The following GALNT7 variants were observed in gnomAD, a reference collection of about 807,000 sequenced individuals.
GALNT7 encodes the protein polypeptide N-acetylgalactosaminyltransferase 7, also known as N-acetylgalactosaminyltransferase 7.
GALNT7 carries 60 observed loss-of-function variants against 82.1 expected under a neutral mutation model. The observed-to-expected ratio is 0.73, with a 90% confidence interval of 0.59 to 0.91. The LOEUF (loss-of-function observed/expected upper bound fraction) is 0.91. Ranked by LOEUF, GALNT7 falls within the 40% of genes least tolerant of loss-of-function variation. The pLI, the probability that GALNT7 is intolerant of heterozygous loss-of-function variation, is 0.00. For synonymous variants in GALNT7, 243 were observed against 275.1 expected, an observed-to-expected ratio of 0.88 and a Z score of 1.15; for missense variants, 660 against 804.2, an observed-to-expected ratio of 0.82 and a Z score of 2.17.
At chr4:173,242,019 G>A (rs571994415) in intron 1 of GALNT7, among the ~76,000 whole-genome samples, 68 of 152,232 alleles carry the variant, frequency 4.5e-4, no homozygotes, top group Non-Finnish European at 6.9e-4. Context: ...GTTTCAATCT[G>A]TAAAGTAACT....
At chr4:173,252,119 C>T (rs1040914855) in intron 2 of GALNT7, among the ~76,000 whole-genome samples, 5 of 152,154 alleles carry the variant, frequency 3.3e-5, no homozygotes, top group East Asian at 1.9e-4. Context: ...GAATAAAAAT[C>T]GCCTAAGTGT....
intron 1 of GALNT7, 80 bp from the exon 2 acceptor site, chr4:173,247,900 A>T (rs1734702270): frequency 4.6e-6 from 4 of 877,364 alleles, no homozygotes; most frequent in Non-Finnish European, 7.1e-6. Context: ...CTTTTTCAAA[A>T]CCTGAAAATT....
In GALNT7 at chr4:173,320,400, A is replaced by T. The variant is rs894283960; in HGVS notation, c.1837-1180A>T. Among the ~76,000 whole-genome samples, 1 of 152,162 alleles carries T rather than the reference A, an allele frequency of 6.6e-6. No homozygotes were observed. Among genetic ancestry groups the T allele is most frequent in the Non-Finnish European group, 1.5e-5 (1 of 68,016 alleles). Reference sequence around the variant, plus strand: ...CTTATTAAACATTAATGTAAATGACATTTTTAATGAAAAATAACTATGTTT... The same window carrying T: ...CTTATTAAACATTAATGTAAATGACTTTTTTAATGAAAAATAACTATGTTT... On this transcript the variant is annotated intron_variant, in intron 11 of 11. Transcript: ENST00000265000. This position sits in a 1 kb window ranked among gnomAD's most constrained non-coding sequence, Gnocchi z 4.1.
rs980772171 is a variant in GALNT7 at position 173,292,991 on chromosome 4, A to G, written c.754+717A>G. 1.3e-5 allele frequency among the ~76,000 whole-genome samples: 2 copies of G among 152,182 alleles called. No homozygotes were observed. Among genetic ancestry groups the G allele is most frequent in the East Asian group, 1.9e-4 (1 of 5,208 alleles). ...ATGTCCATCTTTGTTGTGAATTTCT[A>G]TAACAATAATGTTTTCATTAAAATA... On this transcript the variant is annotated intron_variant, in intron 3 of 11. Coordinates refer to ENST00000265000, the MANE Select transcript of GALNT7 (RefSeq NM_017423.3). The surrounding 1 kb of genome is among the most constrained non-coding windows in gnomAD (Gnocchi z 4.8).
chr4:173,318,580 T>G, intron 11 of GALNT7, 21 bp downstream of exon 11: 1 of 1,429,996 alleles, frequency 7.0e-7, no homozygotes, highest in South Asian at 1.2e-5. Context: ...TTTTAACTTC[T>G]GAAATATTAT....
chr4:173,224,821 G>A (rs574184115), intron 1 of GALNT7, among the ~76,000 whole-genome samples: 6 of 151,642 alleles, frequency 4.0e-5, no homozygotes, highest in South Asian at 2.1e-4. Flanking sequence ...GACCATCCTG[G>A]CTAACACGGT....
rs1331824456 is a variant in GALNT7, at chr4:173,314,189, A to T, written c.1608+13A>T. ...TGACTGGGGAGAAGTAAGTAGTCAC[A>T]TCTCAAAATGTATGTGTTTGTAGAC... On this transcript the variant is annotated intron_variant, in intron 9 of 11. Transcript: ENST00000265000. 6.7e-7 allele frequency: 1 copy of T among 1,487,596 alleles called. No homozygotes were observed. The highest frequency in any genetic ancestry group is 1.4e-5 in the African/African-American group (1 of 72,428). The allele number at this position is 1,487,596 out of a possible 1,614,324, so 92.1% of individuals were successfully genotyped here.
chr4:173,295,899 G>A, intron 5 of GALNT7, 56 bp downstream of exon 5: 4 of 948,658 alleles, frequency 4.2e-6, no homozygotes, highest in South Asian at 3.9e-5. Context: ...TGTCCTAGAA[G>A]GGCAAATAAT....
At chr4:173,207,023 T>C (rs1733120941) in intron 1 of GALNT7, among the ~76,000 whole-genome samples, 1 of 152,222 alleles carries the variant, frequency 6.6e-6, no homozygotes, top group Non-Finnish European at 1.5e-5. Context: ...CTATAACTGT[T>C]GGGGTTTACC....
chr4:173,237,534 T>A (rs1024598870), intron 1 of GALNT7, among the ~76,000 whole-genome samples: 4 of 152,184 alleles, frequency 2.6e-5, no homozygotes, highest in Non-Finnish European at 5.9e-5. Context: ...CAGTAAAATG[T>A]TTTTCTTAGT....
At chr4:173,304,219 C>A in intron 8 of GALNT7, 101 bp downstream of exon 8, 2 of 908,482 alleles carry the variant, frequency 2.2e-6, no homozygotes, top group South Asian at 1.7e-5. Context: ...GTGGGCTCTT[C>A]AGCAGTCATG....
intron 2 of GALNT7, among the ~76,000 whole-genome samples, chr4:173,252,120 G>A (rs778856717): frequency 1.3e-5 from 2 of 151,988 alleles, no homozygotes; most frequent in East Asian, 1.9e-4. Context: ...AATAAAAATC[G>A]CCTAAGTGTT....
At chr4:173,283,608 C>G (rs1351530190) in intron 2 of GALNT7, among the ~76,000 whole-genome samples, 1 of 150,838 alleles carries the variant, frequency 6.6e-6, no homozygotes, top group African/African-American at 2.4e-5. Context: ...CTGCACTCGG[C>G]CTGGGCGACA....
At chr4:173,169,153 CCCGCCCCCTCG>C in intron 1 of GALNT7, 192 bp downstream of exon 1, 1 of 262,042 alleles carries the variant, frequency 3.8e-6, no homozygotes, top group Non-Finnish European at 7.0e-6. Context: ...CCGCCGCCGG[CCCGCCCCCTCG>C]CCGCCCCTTC....
Position 173,318,723 on chromosome 4 carries a change from AT to A in GALNT7, c.1836+166del, listed in dbSNP as rs1221827811. The A allele has an allele frequency of 9.5e-6, 5 of 525,322 alleles. No homozygotes were observed. In the Admixed American group the frequency reaches 1.9e-4, roughly 20 times the overall value. 32.5% of individuals were successfully genotyped at this position (525,322 alleles called of 1,614,324 possible). A position where few individuals can be genotyped will look rare whatever the true frequency, so the allele number is the denominator to read the frequency against. ...GGTTTTCCTGAGCACTGGATGACTC[AT>A]TGTTCTATAATGAGGCATCACTTTT... On this transcript the variant is annotated intron_variant, in intron 11 of 11. Coordinates refer to ENST00000265000, the MANE Select transcript of GALNT7 (RefSeq NM_017423.3).
intron 1 of GALNT7, among the ~76,000 whole-genome samples, chr4:173,196,344 C>T (rs1487520794): frequency 6.6e-6 from 1 of 152,044 alleles, no homozygotes; most frequent in East Asian, 1.9e-4. Context: ...AGGCTGGTCT[C>T]AAACTCCTGA....
intron 1 of GALNT7, among the ~76,000 whole-genome samples, chr4:173,227,482 C>T (rs537455827): frequency 5.3e-5 from 8 of 152,334 alleles, no homozygotes; most frequent in South Asian, 4.1e-4. Flanking sequence ...CAGGCACCCA[C>T]GACCACACCT....
intron 1 of GALNT7, among the ~76,000 whole-genome samples, chr4:173,173,583 A>G (rs779508117): frequency 1.3e-5 from 2 of 152,152 alleles, no homozygotes; most frequent in Non-Finnish European, 2.9e-5. Flanking sequence ...GTTCCGCCTC[A>G]GATCATTAGG....
intron 1 of GALNT7, among the ~76,000 whole-genome samples, chr4:173,229,009 A>T (rs1733932939): frequency 6.6e-6 from 1 of 152,032 alleles, no homozygotes; most frequent in African/African-American, 2.4e-5. Flanking sequence ...CAATTTGAAA[A>T]CCTTATTTTA....
Sources: allele counts gnomAD v4.1 joint callset (sites outside exome capture counted in the v4.1 genomes callset), GRCh38; gene constraint gnomAD v4.1.1; non-coding constraint Gnocchi (gnomAD v3.1); transcripts MANE v1.5; gene names NCBI Gene and HGNC (gene_info 2026-07-23, HGNC 2026-07-21).